Variants in RAB38 observed in about 807,000 individuals in gnomAD.
RAB38 encodes the protein ras-related protein Rab-38.
RAB38 carries 15 observed loss-of-function variants against 18.4 expected under a neutral mutation model. The observed-to-expected ratio is 0.82, with a 90% CI of 0.55 to 1.26. The LOEUF (loss-of-function observed/expected upper bound fraction) is 1.26, where lower values mean the gene tolerates loss of function less well. RAB38 is among the 50% of genes most tolerant of loss of function. The probability of loss-of-function intolerance (pLI) is 0.00; values close to 1 mark genes in which losing one functional copy is unlikely to be tolerated. For synonymous variants in RAB38, 101 were observed against 104.4 expected (o/e 0.97, Z 0.20); for missense variants, 294 against 267.4 (o/e 1.10, Z -0.69).
intron 2 of RAB38, among the ~76,000 whole-genome samples, chr11:88,140,284 A>G (rs1033797710): frequency 6.6e-6 from 1 of 152,226 alleles, no homozygotes; most frequent in Non-Finnish European, 1.5e-5. Flanking sequence ...AAGGAGTTAC[A>G]TAATGTGGGG....
the RAB38 span, among the ~76,000 whole-genome samples, chr11:87,920,603 T>C: frequency 0.094 from 14,245 of 152,104 alleles, 1,530 homozygotes; most frequent in African/African-American, 0.27. Context: ...GAATAGAATG[T>C]GTATTTTGCA....
chr11:88,129,300 T>C (rs1462962020), intron 2 of RAB38, among the ~76,000 whole-genome samples: 1 of 152,068 alleles, frequency 6.6e-6, no homozygotes, highest in Non-Finnish European at 1.5e-5. Flanking sequence ...AAGTAGTTGC[T>C]CAATAAATTT....
the RAB38 span, among the ~76,000 whole-genome samples, chr11:87,844,732 C>A: frequency 6.6e-6 from 1 of 152,140 alleles, no homozygotes; most frequent in African/African-American, 2.4e-5. Flanking sequence ...TTCACTTTCA[C>A]CCTAATCAAT....
chr11:88,082,971 A>G, the RAB38 span, among the ~76,000 whole-genome samples: 1 of 151,846 alleles, frequency 6.6e-6, no homozygotes, highest in Non-Finnish European at 1.5e-5. Flanking sequence ...TTCTCCTGAC[A>G]TCTCTTTCTA....
At chr11:88,115,706 C>T (rs1286374955) in intron 2 of RAB38, 1 of 152,170 alleles carries the variant, frequency 6.6e-6, no homozygotes. Flanking sequence ...TTCTCTAAGC[C>T]TCCCTTTCCC....
chr11:88,027,087 A>G, the RAB38 span, among the ~76,000 whole-genome samples: 4 of 152,248 alleles, frequency 2.6e-5, no homozygotes, highest in Non-Finnish European at 5.9e-5. Flanking sequence ...GACCATTAAA[A>G]TAAAATAAAC....
the RAB38 span, among the ~76,000 whole-genome samples, chr11:87,850,205 A>G: frequency 1.3e-5 from 2 of 152,102 alleles, no homozygotes; most frequent in Non-Finnish European, 2.9e-5. Context: ...AAAGTACCAA[A>G]ACATTGATTC....
the RAB38 span, among the ~76,000 whole-genome samples, chr11:87,928,589 A>C: frequency 5.3e-5 from 8 of 152,080 alleles, no homozygotes; most frequent in Admixed American, 3.9e-4. Flanking sequence ...GTAAAAATAC[A>C]TAACGATATA....
chr11:88,071,131 GT>G, the RAB38 span, among the ~76,000 whole-genome samples: 1 of 152,102 alleles, frequency 6.6e-6, no homozygotes, highest in African/African-American at 2.4e-5. Flanking sequence ...CTACTAGGTG[GT>G]GCAAGCATGC....
chr11:87,948,858 G>A, the RAB38 span, among the ~76,000 whole-genome samples: 98 of 151,948 alleles, frequency 6.4e-4, no homozygotes, highest in African/African-American at 2.3e-3. Context: ...TTCTTTTTTT[G>A]TTGTGTCTCT....
At chr11:87,937,333 T>TATATAA in the RAB38 span, among the ~76,000 whole-genome samples, 1 of 92,890 alleles carries the variant, frequency 1.1e-5, no homozygotes, top group Non-Finnish European at 2.1e-5. Context: ...TATATATATA[T>TATATAA]ATATATATAT....
the RAB38 span, among the ~76,000 whole-genome samples, chr11:88,008,390 C>T: frequency 3.3e-5 from 5 of 151,908 alleles, no homozygotes; most frequent in African/African-American, 1.2e-4. Context: ...ACAAAAGTTA[C>T]CAGAAGAAGA....
At chr11:87,861,188 A>G in the RAB38 span, among the ~76,000 whole-genome samples, 1 of 151,906 alleles carries the variant, frequency 6.6e-6, no homozygotes. Flanking sequence ...CATCTTATTC[A>G]TGCCCTAATT....
chr11:88,030,646 T>G, the RAB38 span, among the ~76,000 whole-genome samples: 1 of 152,192 alleles, frequency 6.6e-6, no homozygotes, highest in Non-Finnish European at 1.5e-5. Flanking sequence ...GATAAATTCC[T>G]CAACACATAC....
the RAB38 span, among the ~76,000 whole-genome samples, chr11:87,864,557 A>G: frequency 6.6e-6 from 1 of 150,692 alleles, no homozygotes; most frequent in Non-Finnish European, 1.5e-5. Context: ...CAGGTATAAT[A>G]TGAATTATCT....
chr11:87,841,647 A>G, the RAB38 span, among the ~76,000 whole-genome samples: 2 of 152,186 alleles, frequency 1.3e-5, no homozygotes, highest in African/African-American at 2.4e-5. Flanking sequence ...GTCCACCCAC[A>G]CACCAGAAAC....
chr11:87,875,064 G>A, the RAB38 span, among the ~76,000 whole-genome samples: 1 of 151,532 alleles, frequency 6.6e-6, no homozygotes, highest in African/African-American at 2.4e-5. Flanking sequence ...AGATTACAAA[G>A]TTTCAGATAG....
At chr11:88,153,915 A>G (rs1943093875) in intron 1 of RAB38, among the ~76,000 whole-genome samples, 1 of 152,240 alleles carries the variant, frequency 6.6e-6, no homozygotes, top group South Asian at 2.1e-4. Flanking sequence ...TGGGCTTTAT[A>G]TCAAGAAGGA....
At chr11:87,956,062 T>C in the RAB38 span, among the ~76,000 whole-genome samples, 3 of 152,108 alleles carry the variant, frequency 2.0e-5, no homozygotes, top group African/African-American at 4.8e-5. Flanking sequence ...ACAGTATGGT[T>C]CATATATTTT....
Sources: allele counts gnomAD v4.1 joint callset (sites outside exome capture counted in the v4.1 genomes callset), GRCh38; gene constraint gnomAD v4.1.1; transcripts MANE v1.5; gene names NCBI Gene and HGNC (gene_info 2026-07-23, HGNC 2026-07-21).